The following MALRD1 variants were observed in gnomAD, a reference collection of about 807,000 sequenced individuals.
The protein encoded by MALRD1 is MAM and LDL receptor class A domain containing 1.
Under a neutral mutation model 242.1 loss-of-function variants are expected in MALRD1, and 247 were observed. The ratio of observed to expected loss-of-function variants is 1.02; its 90% CI spans 0.92 to 1.13. The LOEUF (loss-of-function observed/expected upper bound fraction) is 1.13, where lower values mean the gene tolerates loss of function less well. MALRD1 is among the 50% of genes most tolerant of loss of function. The pLI is 0.00. For synonymous variants in MALRD1, 995 were observed against 866.6 expected (o/e 1.15, Z -2.60); for missense variants, 2,989 against 2,533.1 (o/e 1.18, Z -3.86).
At chr10:19,532,115 A>G (rs957951654) in intron 32 of MALRD1, among the ~76,000 whole-genome samples, 4 of 152,206 alleles carry the variant, frequency 2.6e-5, no homozygotes, top group East Asian at 1.9e-4. Context: ...TATGGTATCA[A>G]TTTTAATTCT....
rs548033643 is a variant in MALRD1 at position 19,657,642 on chromosome 10, A to G, written c.6138-34640A>G. On this transcript the variant is annotated intron_variant, in intron 36 of 39. Transcript: ENST00000454679. ...TAAAGCATTTATGAATAATAATCAC[A>G]TCATGGAGAATTGGGTATCCATCAC... Among the ~76,000 whole-genome samples, 65 of 152,320 alleles carry G rather than the reference A, an allele frequency of 4.3e-4. No homozygotes were observed. The South Asian group carries it at 0.013, about 31-fold the overall frequency.
At chr10:19,126,032 T>C (rs1325258191) in intron 7 of MALRD1, among the ~76,000 whole-genome samples, 3 of 152,106 alleles carry the variant, frequency 2.0e-5, no homozygotes, top group Non-Finnish European at 2.9e-5. Context: ...TAATAATTTA[T>C]CTGGTCATAC....
rs568153820 is a variant in MALRD1, at chr10:19,540,120, G to T, written c.5478+8769G>T. The stretch of plus-strand genomic sequence containing the variant: ...GTCAAACTCACTGAGGGCCCTTCTG[G>T]TCGATTTTGTAATCACCTAGAATCT... On this transcript the variant is annotated intron_variant, in intron 32 of 39. Transcript: ENST00000454679. Among the ~76,000 whole-genome samples the T allele has an allele frequency of 7.9e-5, 12 of 151,974 alleles. No homozygotes were observed. The South Asian group carries it at 2.5e-3, about 32-fold the overall frequency.
At chr10:19,678,358 G>A (rs914348224) in intron 36 of MALRD1, among the ~76,000 whole-genome samples, 4 of 152,124 alleles carry the variant, frequency 2.6e-5, no homozygotes, top group Admixed American at 1.3e-4. Flanking sequence ...GGAGAGGTTT[G>A]TAGTTCTCCT....
chr10:19,461,665 G>A (rs961916314), intron 29 of MALRD1, among the ~76,000 whole-genome samples: 4 of 132,534 alleles, frequency 3.0e-5, no homozygotes, highest in Middle Eastern at 3.7e-3. Flanking sequence ...GCAACATAGT[G>A]AGACCCCATC....
intron 18 of MALRD1, among the ~76,000 whole-genome samples, chr10:19,243,279 A>G (rs1249362173): frequency 6.6e-6 from 1 of 152,088 alleles, no homozygotes; most frequent in Non-Finnish European, 1.5e-5. Flanking sequence ...TCCATGGAAC[A>G]TAGGTTCTAT....
At chr10:19,051,144 G>T (rs576299030) in intron 1 of MALRD1, among the ~76,000 whole-genome samples, 10 of 152,258 alleles carry the variant, frequency 6.6e-5, no homozygotes, top group African/African-American at 1.9e-4. Context: ...TTTAAAGCAT[G>T]AATTTCTTTT....
intron 26 of MALRD1, among the ~76,000 whole-genome samples, chr10:19,380,106 C>T (rs996231753): frequency 1.3e-5 from 2 of 151,176 alleles, no homozygotes; most frequent in Admixed American, 1.3e-4. Flanking sequence ...TCCCAAGTAG[C>T]TGGGATTACA....
intron 1 of MALRD1, among the ~76,000 whole-genome samples, chr10:19,060,209 T>C (rs1298974846): frequency 6.6e-6 from 1 of 152,166 alleles, no homozygotes. Flanking sequence ...ATGTTTCTGG[T>C]GTTGAGCCTT....
At chr10:19,389,708 T>A in intron 28 of MALRD1, 99 bp downstream of exon 28, 1 of 1,278,226 alleles carries the variant, frequency 7.8e-7, no homozygotes, top group Non-Finnish European at 1.1e-6. Flanking sequence ...GGTGCAGTCA[T>A]GGCTTACTGC....
At chr10:19,432,537 C>A (rs955349206) in intron 28 of MALRD1, among the ~76,000 whole-genome samples, 1 of 152,194 alleles carries the variant, frequency 6.6e-6, no homozygotes, top group Middle Eastern at 3.4e-3. Context: ...TTATTTAGTG[C>A]CTTCACAATG....
intron 18 of MALRD1, among the ~76,000 whole-genome samples, chr10:19,255,551 A>T (rs1839469342): frequency 1.3e-5 from 2 of 152,096 alleles, no homozygotes; most frequent in African/African-American, 4.8e-5. Context: ...GATTATTATC[A>T]AAAAGTCTTT....
intron 38 of MALRD1, among the ~76,000 whole-genome samples, chr10:19,705,662 C>A (rs959624525): frequency 6.6e-6 from 1 of 151,922 alleles, no homozygotes; most frequent in Non-Finnish European, 1.5e-5. Context: ...TCCTCCTCCT[C>A]CTCTTTCTAT....
At chr10:19,393,906 C>A (rs1301163368) in intron 28 of MALRD1, among the ~76,000 whole-genome samples, 1 of 152,136 alleles carries the variant, frequency 6.6e-6, no homozygotes, top group Non-Finnish European at 1.5e-5. Flanking sequence ...ACCTTTGCAT[C>A]TTTTCAACCA....
chr10:19,408,143 A>G (rs1008744285), intron 28 of MALRD1, among the ~76,000 whole-genome samples: 3 of 152,176 alleles, frequency 2.0e-5, no homozygotes, highest in African/African-American at 7.2e-5. Context: ...GAAAACAGGA[A>G]GGGAAAGGAA....
intron 2 of MALRD1, among the ~76,000 whole-genome samples, chr10:19,067,260 C>T (rs1835009461): frequency 6.6e-6 from 1 of 152,128 alleles, no homozygotes; most frequent in Non-Finnish European, 1.5e-5. Flanking sequence ...CTGTCTGGTA[C>T]CACTTGTTTA....
intron 18 of MALRD1, among the ~76,000 whole-genome samples, chr10:19,213,083 T>A (rs1476362991): frequency 6.6e-6 from 1 of 152,264 alleles, no homozygotes; most frequent in Non-Finnish European, 1.5e-5. Flanking sequence ...TTCTTTTTTT[T>A]AAATTTGATG....
chr10:19,378,425 G>T (rs755492707), intron 26 of MALRD1, among the ~76,000 whole-genome samples: 1 of 152,024 alleles, frequency 6.6e-6, no homozygotes, highest in South Asian at 2.1e-4. Context: ...CATCTTTTTG[G>T]TGGCCATGGA....
intron 36 of MALRD1, among the ~76,000 whole-genome samples, chr10:19,638,177 A>C (rs968677440): frequency 1.3e-5 from 2 of 151,928 alleles, no homozygotes; most frequent in African/African-American, 4.8e-5. Flanking sequence ...TTGTCAACAA[A>C]AGGACAGCCA....
Sources: gnomAD v4.1 joint callset for allele counts (sites outside exome capture counted in the v4.1 genomes callset) on GRCh38, gnomAD v4.1.1 for gene constraint, MANE v1.5 for transcripts, NCBI Gene and HGNC (gene_info 2026-07-23, HGNC 2026-07-21) for gene names.